Variants in PSMD1 observed in about 807,000 individuals in gnomAD.
PSMD1 encodes the protein 26S proteasome non-ATPase regulatory subunit 1.
A neutral mutation model predicts 119.0 loss-of-function variants in PSMD1; 18 were observed. The ratio of observed to expected loss-of-function variants is 0.15; its 90% CI spans 0.10 to 0.22. The LOEUF is 0.22. Among genes scored for constraint, PSMD1 ranks in the 10% least tolerant of loss-of-function variants. The probability of loss-of-function intolerance (pLI) is 1.00; values close to 1 mark genes in which losing one functional copy is unlikely to be tolerated. For synonymous variants in PSMD1, 374 were observed against 396.6 expected (o/e 0.94, Z 0.68); for missense variants, 702 against 1,158.5 (o/e 0.61, Z 5.72).
rs1349165379 is a variant in PSMD1 at position 231,057,054 on chromosome 2, C to G, written c.16+13C>G. 7.9e-6 allele frequency: 12 copies of G among 1,519,264 alleles called. No individual in the cohort carries two copies. Among genetic ancestry groups the G allele is most frequent in the East Asian group, 2.7e-5 (1 of 37,580 alleles). The allele number at this position is 1,519,264 out of a possible 1,614,324, so 94.1% of individuals were successfully genotyped here. ...ATCACCTCGGCCGGTGAGTGCGGCC[C>G]GTAGCCAGCGCCTGGAGGGAGGAGC... On this transcript the variant is annotated intron_variant, in intron 1 of 24. Transcript: ENST00000308696.
chr2:231,115,436 A>G lies in PSMD1; in HGVS notation c.1884-23300A>G, dbSNP rs560143778. ...AATATTTCTTCCTAGGAACAAAATA[A>G]CAAAATCAGCACAAACTTTTACTCA... On this transcript the variant is annotated intron_variant, in intron 16 of 24. Transcript: ENST00000308696. Among the ~76,000 whole-genome samples the G allele has an allele frequency of 9.2e-5, 14 of 152,302 alleles. No individual in the cohort carries two copies. The South Asian group carries it at 2.7e-3, about 29-fold the overall frequency.
intron 16 of PSMD1, among the ~76,000 whole-genome samples, chr2:231,115,870 G>A (rs562905322): frequency 2.8e-4 from 43 of 152,228 alleles, no homozygotes; most frequent in African/African-American, 1.0e-3. Flanking sequence ...CAGACCTACT[G>A]TATCAGACTC....
intron 16 of PSMD1, 102 bp downstream of exon 16, chr2:231,087,283 T>A: frequency 1.1e-6 from 1 of 899,932 alleles, no homozygotes; most frequent in Non-Finnish European, 1.8e-6. Context: ...AAACAAAAAC[T>A]AAATACCTGA....
chr2:231,112,903 G>A (rs571930637), intron 16 of PSMD1, among the ~76,000 whole-genome samples: 4 of 152,222 alleles, frequency 2.6e-5, no homozygotes, highest in South Asian at 2.1e-4. Flanking sequence ...AGTGACTCAC[G>A]CCTGTAATCC....
At chr2:231,078,579 G>A (rs540459634) in intron 9 of PSMD1, 80 bp from the exon 10 acceptor site, 215 of 931,640 alleles carry the variant, frequency 2.3e-4, no homozygotes, top group Admixed American at 4.3e-4. Context: ...CACAAAATAG[G>A]ACCTCTGACT....
At position 231,138,759 on chromosome 2, in the gene PSMD1, T is replaced by C. The variant is rs1485633998; in HGVS notation, c.1907T>C (p.Val636Ala). The C allele has an allele frequency of 3.1e-6, 5 of 1,613,998 alleles. No homozygotes were observed. The highest frequency in any genetic ancestry group is 3.4e-6 in the Non-Finnish European group (4 of 1,179,972). ...AGAACCCCTGAACAGTGCCCAAGTGTTGTCTCTTTGTTGTCAGAGAGTTAC... is the reference window on the plus strand; with the variant it reads ...AGAACCCCTGAACAGTGCCCAAGTGCTGTCTCTTTGTTGTCAGAGAGTTAC... ...LFRTPEQCPSVVSLLSESYNP... is the reference protein window; with the variant it reads ...LFRTPEQCPSAVSLLSESYNP... The change falls in exon 17 of 25, where the codon GTT (valine) becomes GCT (alanine). Residue 636 changes from valine (V) to alanine (A), a missense_variant. Physicochemically the swap from Val to Ala is moderately conservative, Grantham distance 64. Coordinates refer to ENST00000308696, the MANE Select transcript of PSMD1 (RefSeq NM_002807.4).
chr2:231,072,883 G>C (rs926676374), intron 7 of PSMD1, among the ~76,000 whole-genome samples: 46 of 152,006 alleles, frequency 3.0e-4, no homozygotes, highest in African/African-American at 1.0e-3. Flanking sequence ...TTATTTTTCT[G>C]TATTTTACAC....
chr2:231,134,874 G>C (rs1211405438), intron 16 of PSMD1, among the ~76,000 whole-genome samples: 1 of 152,184 alleles, frequency 6.6e-6, no homozygotes, highest in Non-Finnish European at 1.5e-5. Context: ...GTATTTCCTA[G>C]TGCTTAACCA....
intron 24 of PSMD1, among the ~76,000 whole-genome samples, chr2:231,171,036 T>G (rs1427993281): frequency 6.6e-6 from 1 of 152,218 alleles, no homozygotes; most frequent in Non-Finnish European, 1.5e-5. Context: ...AAGAAAGTCT[T>G]CCCCAAAACA....
chr2:231,109,221 CCTT>C, intron 16 of PSMD1: 2 of 1,614,152 alleles, frequency 1.2e-6, no homozygotes, highest in Non-Finnish European at 1.7e-6. Context: ...ACTAAGTAAG[CCTT>C]CTTCTGTAAA....
intron 16 of PSMD1, among the ~76,000 whole-genome samples, chr2:231,115,198 A>T (rs1446157352): frequency 1.3e-5 from 2 of 152,116 alleles, no homozygotes. Context: ...ACCAAAAAAA[A>T]AAAAAGCATA....
chr2:231,057,189 G>A (rs1396842200), intron 1 of PSMD1, 148 bp downstream of exon 1: 14 of 1,025,040 alleles, frequency 1.4e-5, no homozygotes, highest in Admixed American at 7.0e-5. Flanking sequence ...CGGGCCGGGG[G>A]GCTGGGAGTC....
At chr2:231,095,696 G>C (rs891018467) in intron 16 of PSMD1, among the ~76,000 whole-genome samples, 3 of 152,170 alleles carry the variant, frequency 2.0e-5, no homozygotes, top group Non-Finnish European at 4.4e-5. Context: ...TGTTCTGCAA[G>C]GGGAATAGTA....
At chr2:231,094,534 A>G (rs1440669506) in intron 16 of PSMD1, among the ~76,000 whole-genome samples, 1 of 152,206 alleles carries the variant, frequency 6.6e-6, no homozygotes, top group Non-Finnish European at 1.5e-5. Context: ...CAGGGTCACT[A>G]ACAATATTGA....
At chr2:231,072,143 A>T in intron 6 of PSMD1, 46 bp from the exon 7 acceptor site, 2 of 1,493,306 alleles carry the variant, frequency 1.3e-6, no homozygotes, top group Non-Finnish European at 1.9e-6. Flanking sequence ...TACCTTGTAG[A>T]TGAAGTTTTT....
intron 4 of PSMD1, among the ~76,000 whole-genome samples, chr2:231,064,113 A>G (rs1693834153): frequency 6.6e-6 from 1 of 152,176 alleles, no homozygotes; most frequent in Non-Finnish European, 1.5e-5. Flanking sequence ...ACACTGTATC[A>G]TTTTACCTTT....
intron 4 of PSMD1, among the ~76,000 whole-genome samples, chr2:231,065,931 A>G (rs1426403031): frequency 6.6e-6 from 1 of 152,222 alleles, no homozygotes; most frequent in East Asian, 1.9e-4. Flanking sequence ...TAGACAACAG[A>G]TGTCCCATAA....
At position 231,061,906 on chromosome 2, in the gene PSMD1, C is replaced by G. The variant is rs575508041; in HGVS notation, c.61-342C>G. Among the ~76,000 whole-genome samples the G allele has an allele frequency of 2.4e-4, 36 of 152,244 alleles. 1 individual carries two copies. The South Asian group carries it at 4.8e-3, about 20-fold the overall frequency. ...CCAGTTTCATTATCAACAGAAAACA[C>G]AAAAAGTTGTTGCTTCTGTTTCACA... On this transcript the variant is annotated intron_variant, in intron 2 of 24. Transcript: ENST00000308696.
In PSMD1 at chr2:231,070,028, G is replaced by T; in HGVS notation, c.514G>T (p.Asp172Tyr). Residue 172 changes from aspartate (D) to tyrosine (Y), a missense_variant, in exon 6 of 25, where the codon GAT (aspartate) becomes TAT (tyrosine). Physicochemically the swap from Asp to Tyr is radical, Grantham distance 160 (BLOSUM62 -3). Around this residue, in one of 9 missense-constraint regions of PSMD1, gnomAD observed 58 missense variants for 54.0 expected, o/e 1.07. Transcript: ENST00000308696. The part of the protein sequence containing the change: ...VFEKTILESN[D>Y]VPGMLAYSLK... ...ATCTTTAAACTATCTCTTTCAGAAT[G>T]ATGTCCCAGGAATGTTAGCTTATAG... 6.9e-7 allele frequency: 1 copy of T among 1,448,368 alleles called. No homozygotes were observed. The allele number at this position is 1,448,368 out of a possible 1,614,324, so 89.7% of individuals were successfully genotyped here. A position where few individuals can be genotyped will look rare whatever the true frequency, so the allele number is the denominator to read the frequency against.
Sources: allele counts gnomAD v4.1 joint callset (sites outside exome capture counted in the v4.1 genomes callset), GRCh38; gene constraint gnomAD v4.1.1; regional missense constraint gnomAD v4.1.1; transcripts MANE v1.5; gene names NCBI Gene and HGNC (gene_info 2026-07-23, HGNC 2026-07-21).